The following DAB2IP variants were observed in gnomAD, a reference collection of about 807,000 sequenced individuals.
The protein encoded by DAB2IP is DAB2 interacting protein, also known as disabled homolog 2-interacting protein.
In DAB2IP, 28 loss-of-function variants were observed where a neutral mutation model predicts 107.2. That is an observed-to-expected ratio of 0.26 (90% CI 0.19 to 0.36). DAB2IP has a LOEUF of 0.36. Ranked by LOEUF, DAB2IP falls within the 10% of genes least tolerant of loss-of-function variation. The pLI is 1.00. For synonymous variants in DAB2IP, 755 were observed against 706.4 expected (o/e 1.07, Z -1.09); for missense variants, 1,400 against 1,644.7 (o/e 0.85, Z 2.57).
rs750708107 is a variant in DAB2IP at position 121,774,431 on chromosome 9, G to A, written c.3120+19G>A. 62 of 1,600,956 alleles carry A rather than the reference G, an allele frequency of 3.9e-5. No homozygotes were observed. In the East Asian group the frequency reaches 6.3e-4, roughly 16 times the overall value. On this transcript the variant is annotated intron_variant, in intron 13 of 15. Coordinates refer to ENST00000408936, the Ensembl canonical transcript of DAB2IP. Reference sequence around the variant, plus strand: ...AGAAAAGGTAAAACTGGACCCTGGCGGCTCGGGACAGGGCGGGGCTGCCTC... The same window carrying A: ...AGAAAAGGTAAAACTGGACCCTGGCAGCTCGGGACAGGGCGGGGCTGCCTC...
intron 3 of DAB2IP, among the ~76,000 whole-genome samples, chr9:121,739,053 A>G (rs1348594387): frequency 1.3e-5 from 2 of 152,270 alleles, no homozygotes; most frequent in Non-Finnish European, 2.9e-5. Flanking sequence ...TGCTTGGCAC[A>G]TAGTTTGCAC....
intron 3 of DAB2IP, among the ~76,000 whole-genome samples, chr9:121,743,078 C>T (rs1564193440): frequency 6.6e-6 from 1 of 152,294 alleles, no homozygotes; most frequent in African/African-American, 2.4e-5. Flanking sequence ...ATGGACCTCA[C>T]GGGGTGTGGC....
intron 1 of DAB2IP, among the ~76,000 whole-genome samples, chr9:121,607,052 G>A (rs1458815627): frequency 6.6e-6 from 1 of 152,154 alleles, no homozygotes; most frequent in Admixed American, 6.5e-5. Context: ...TGGGATTATA[G>A]GCATGAGCCA....
intron 1 of DAB2IP, among the ~76,000 whole-genome samples, chr9:121,575,615 C>G (rs1474257878): frequency 6.6e-6 from 1 of 152,270 alleles, no homozygotes; most frequent in East Asian, 1.9e-4. Flanking sequence ...CCACAGCCCT[C>G]CTTATTCCAA....
chr9:121,741,524 G>A (rs1344682501), intron 3 of DAB2IP, among the ~76,000 whole-genome samples: 2 of 152,108 alleles, frequency 1.3e-5, no homozygotes, highest in Non-Finnish European at 2.9e-5. Flanking sequence ...GCCGAGACAG[G>A]TTGTTTTCAG....
At chr9:121,763,978 G>C (rs1332768069) in intron 8 of DAB2IP, 99 bp downstream of exon 8, 1 of 1,526,990 alleles carries the variant, frequency 6.5e-7, no homozygotes, top group Non-Finnish European at 8.9e-7. Context: ...TGGCCCCTGA[G>C]TTGTACTGAC....
intron 3 of DAB2IP, among the ~76,000 whole-genome samples, chr9:121,749,662 A>G (rs767683829): frequency 5.9e-5 from 9 of 152,144 alleles, no homozygotes; most frequent in African/African-American, 2.2e-4. Flanking sequence ...ACGGGGGTCT[A>G]CTGCCCACTG....
intron 1 of DAB2IP, among the ~76,000 whole-genome samples, chr9:121,657,445 C>T (rs1833013387): frequency 6.6e-6 from 1 of 152,210 alleles, no homozygotes; most frequent in African/African-American, 2.4e-5. Context: ...GTGTGCCCGG[C>T]CCCATGCCAA....
chr9:121,584,961 CA>C (rs1453061520), intron 1 of DAB2IP, among the ~76,000 whole-genome samples: 1 of 152,158 alleles, frequency 6.6e-6, no homozygotes, highest in Non-Finnish European at 1.5e-5. Context: ...TAGCTATTCA[CA>C]GGCACGATCC....
chr9:121,751,141 C>T, intron 3 of DAB2IP: 1 of 226,294 alleles, frequency 4.4e-6, no homozygotes, highest in Non-Finnish European at 8.8e-6. Flanking sequence ...CCTTTCCCTG[C>T]TGCCCGGCTG....
chr9:121,614,060 A>G (rs1831182524), intron 1 of DAB2IP, among the ~76,000 whole-genome samples: 2 of 152,218 alleles, frequency 1.3e-5, no homozygotes, highest in Non-Finnish European at 2.9e-5. Flanking sequence ...AGCTGCAGGA[A>G]TTAACTGCGG....
At chr9:121,737,243 T>C in intron 3 of DAB2IP, 9 of 985,362 alleles carry the variant, frequency 9.1e-6, no homozygotes, top group Non-Finnish European at 9.6e-6. Flanking sequence ...GAAGCGATAG[T>C]TTGCTTTCAG....
chr9:121,768,402 G>GT, intron 9 of DAB2IP, 30 bp from the exon 10 acceptor site: 3 of 1,613,538 alleles, frequency 1.9e-6, no homozygotes, highest in Non-Finnish European at 2.5e-6. Context: ...CCTGGGCCCA[G>GT]TAGTGCTCAC....
chr9:121,766,466 A>G, intron 8 of DAB2IP, 28 bp from the exon 9 acceptor site: 1 of 1,593,608 alleles, frequency 6.3e-7, no homozygotes, highest in Non-Finnish European at 8.5e-7. Flanking sequence ...CCTGACAGCC[A>G]AGCCCACCTT....
intron 1 of DAB2IP, among the ~76,000 whole-genome samples, chr9:121,607,961 AG>A (rs1300146203): frequency 6.6e-6 from 1 of 152,256 alleles, no homozygotes; most frequent in Admixed American, 6.5e-5. Flanking sequence ...TGGCCAGAGC[AG>A]GGACCTCAGA....
At chr9:121,769,903 CTA>C (rs367965187) in intron 10 of DAB2IP, among the ~76,000 whole-genome samples, 57 of 152,368 alleles carry the variant, frequency 3.7e-4, no homozygotes, top group African/African-American at 1.3e-3. Flanking sequence ...ATTGCGTGCT[CTA>C]TTGCCTGCAT....
At position 121,749,187 on chromosome 9, in the gene DAB2IP, C is replaced by T. The variant is rs374762195; in HGVS notation, c.363-7826C>T. On this transcript the variant is annotated intron_variant, in intron 3 of 15. Transcript: ENST00000408936. Reference sequence around the variant, plus strand: ...AGTGAGCACTGGCCTTCTGAGCAGCCGGTTCCCAGGCCAGCGGGGCAAGGC... The same window carrying T: ...AGTGAGCACTGGCCTTCTGAGCAGCTGGTTCCCAGGCCAGCGGGGCAAGGC... Among the ~76,000 whole-genome samples the T allele has an allele frequency of 1.5e-4, 23 of 152,336 alleles. No individual in the cohort carries two copies. The South Asian group carries it at 3.3e-3, about 22-fold the overall frequency.
chr9:121,715,849 G>A (rs1458117288), intron 3 of DAB2IP, among the ~76,000 whole-genome samples: 1 of 152,210 alleles, frequency 6.6e-6, no homozygotes, highest in Non-Finnish European at 1.5e-5. Context: ...TCACCTGAAG[G>A]TGCTTCTAAG....
At chr9:121,683,190 G>T (rs529370529) in intron 2 of DAB2IP, among the ~76,000 whole-genome samples, 55 of 152,266 alleles carry the variant, frequency 3.6e-4, no homozygotes, top group Non-Finnish European at 6.5e-4. Context: ...AGCTTCCCCA[G>T]GCCCTGGACC....
Sources: allele counts gnomAD v4.1 joint callset (sites outside exome capture counted in the v4.1 genomes callset), GRCh38; gene constraint gnomAD v4.1.1; transcripts MANE v1.5; gene names NCBI Gene and HGNC (gene_info 2026-07-23, HGNC 2026-07-21).